The following HIF3A variants were observed in gnomAD, a reference collection of about 807,000 sequenced individuals.
HIF3A encodes the protein hypoxia inducible factor 3 subunit alpha.
A neutral mutation model predicts 67.2 loss-of-function variants in HIF3A; 41 were observed. That is an observed-to-expected ratio of 0.61 (90% CI 0.48 to 0.79). The LOEUF is 0.79. HIF3A is among the 30% of genes least tolerant of loss of function. The probability of loss-of-function intolerance (pLI) is 0.00; values close to 1 mark genes in which losing one functional copy is unlikely to be tolerated. For missense variants in HIF3A, 855 were observed against 898.0 expected, an observed-to-expected ratio of 0.95 and a Z score of 0.61; for synonymous variants, 356 against 374.8, an observed-to-expected ratio of 0.95 and a Z score of 0.58.
rs542186240 is a variant in HIF3A at position 46,324,985 on chromosome 19, T to TTGTGTGTGTGTGTG, written c.1336-533_1336-520dup. On this transcript the variant is annotated intron_variant, in intron 10 of 14. Coordinates refer to ENST00000377670, the MANE Select transcript of HIF3A (RefSeq NM_152795.4). ...ACATACACACACACACACACATATA[T>TTGTGTGTGTGTGTG]TGTGTGTGTGTGTGTGTGTGTGTGT... is the stretch of plus-strand genomic sequence containing the variant. Among the ~76,000 whole-genome samples, 434 of 127,922 alleles carry TTGTGTGTGTGTGTG rather than the reference T, an allele frequency of 3.4e-3. 3 individuals are homozygous for TTGTGTGTGTGTGTG. The highest frequency in any genetic ancestry group is 1.0e-2 in the African/African-American group (338 of 33,852). 83.9% of individuals were successfully genotyped at this position (127,922 alleles called of 152,430 possible).
intron 12 of HIF3A, among the ~76,000 whole-genome samples, chr19:46,330,775 A>AAT (rs1333143878): frequency 1.0e-4 from 12 of 118,928 alleles, no homozygotes; most frequent in African/African-American, 4.1e-4. Context: ...TGGGTGGATC[A>AAT]GTGGATGGAT....
intron 6 of HIF3A, among the ~76,000 whole-genome samples, chr19:46,311,046 C>T (rs577671831): frequency 5.3e-5 from 8 of 152,278 alleles, no homozygotes; most frequent in South Asian, 2.1e-4. Context: ...CCACCGCACC[C>T]GGCCTATCAT....
Position 46,312,586 on chromosome 19 carries a change from G to A in HIF3A, c.958G>A (p.Ala320Thr). 1 of 1,609,532 alleles carries A rather than the reference G, an allele frequency of 6.2e-7. No homozygotes were observed. Among genetic ancestry groups the A allele is most frequent in the African/African-American group, 1.3e-5 (1 of 74,842 alleles). The change falls in exon 8 of 15, where the codon GCC becomes ACC. Residue 320 changes from alanine to threonine, a missense_variant. Transcript: ENST00000377670. Reference sequence around the variant, plus strand: ...TGGCTACCTGTGGACCCAGACCCAGGCCACAGTGGTGTCAGGGGGACGGGG... The same window carrying A: ...TGGCTACCTGTGGACCCAGACCCAGACCACAGTGGTGTCAGGGGGACGGGG... ...SGGYLWTQTQ[A>T]TVVSGGRGPQ...
intron 8 of HIF3A, among the ~76,000 whole-genome samples, chr19:46,318,416 G>A (rs1893644458): frequency 6.6e-6 from 1 of 150,824 alleles, no homozygotes; most frequent in African/African-American, 2.4e-5. Context: ...CCAGCGTGGT[G>A]GCATATGGCT....
At chr19:46,324,985 T>TTGTGTGTG (rs542186240) in intron 10 of HIF3A, among the ~76,000 whole-genome samples, 2,267 of 127,872 alleles carry the variant, frequency 0.018, 48 homozygotes, top group African/African-American at 0.029. Context: ...CACACATATA[T>TTGTGTGTG]TGTGTGTGTG....
chr19:46,312,738 CGT>C (rs1008088222), intron 8 of HIF3A, 85 bp downstream of exon 8: 4 of 462,910 alleles, frequency 8.6e-6, no homozygotes, highest in African/African-American at 8.0e-5. Context: ...TGTGTGTGTG[CGT>C]ATGAGCATGC....
At chr19:46,324,985 T>TTTTG (rs1555785452) in intron 10 of HIF3A, among the ~76,000 whole-genome samples, 1 of 127,916 alleles carries the variant, frequency 7.8e-6, no homozygotes, top group African/African-American at 3.0e-5. Flanking sequence ...CACACATATA[T>TTTTG]TGTGTGTGTG....
intron 10 of HIF3A, among the ~76,000 whole-genome samples, chr19:46,324,971 C>T (rs1310002471): frequency 3.8e-5 from 5 of 132,746 alleles, no homozygotes; most frequent in East Asian, 2.3e-4. Context: ...CATACACACA[C>T]ACACACACAT....
At chr19:46,314,390 A>C (rs961942031) in intron 8 of HIF3A, among the ~76,000 whole-genome samples, 16 of 146,056 alleles carry the variant, frequency 1.1e-4, no homozygotes, top group African/African-American at 3.0e-4. Flanking sequence ...CCAAAAAAAA[A>C]AAACAAACAC....
intron 3 of HIF3A, among the ~76,000 whole-genome samples, chr19:46,307,586 A>C (rs1245015238): frequency 6.6e-6 from 1 of 152,126 alleles, no homozygotes; most frequent in East Asian, 1.9e-4. Context: ...CGTCTCTACT[A>C]AAAATACAAA....
intron 1 of HIF3A, among the ~76,000 whole-genome samples, chr19:46,298,928 C>T (rs2147098673): frequency 6.6e-6 from 1 of 152,270 alleles, no homozygotes; most frequent in South Asian, 2.1e-4. Flanking sequence ...AATAGAAAAG[C>T]CCAGAAGTAG....
chr19:46,310,677 G>C, intron 6 of HIF3A: 1 of 446,046 alleles, frequency 2.2e-6, no homozygotes. Context: ...TTGTACAGTC[G>C]TTCTGAGCAG....
Position 46,339,539 on chromosome 19 carries a change from C to G in HIF3A, c.1927C>G (p.Leu643Val). The change falls in exon 15 of 15, where the codon CTG becomes GTG. Residue 643 changes from leucine (L) to valine (V), a missense_variant. Physicochemically the swap from Leu to Val is conservative, Grantham distance 32. Transcript: ENST00000377670. ...LNEPLGLGPS[L>V]LSPYSDEDTT... ...CATCTTTGCAGGCCTGGGCCCCTCA[C>G]TGCTCTCTCCGTACTCAGACGAGGA... 1 of 1,600,402 alleles carries G rather than the reference C, an allele frequency of 6.2e-7. No homozygotes were observed. Among genetic ancestry groups the G allele is most frequent in the South Asian group, 1.1e-5 (1 of 89,072 alleles).
chr19:46,312,124 A>G (rs1469830896), intron 6 of HIF3A, 37 bp from the exon 7 acceptor site: 1 of 1,482,742 alleles, frequency 6.7e-7, no homozygotes, highest in South Asian at 1.1e-5. Context: ...CTCACCCAGT[A>G]GCATCCTGAC....
At chr19:46,338,613 G>T (rs1971798278) in intron 14 of HIF3A, 1 of 746,852 alleles carries the variant, frequency 1.3e-6, no homozygotes, top group Non-Finnish European at 1.7e-6. Flanking sequence ...ACTAGTTATG[G>T]TTCAAAACAC....
intron 8 of HIF3A, among the ~76,000 whole-genome samples, chr19:46,319,427 A>T (rs1163018245): frequency 1.3e-5 from 2 of 152,000 alleles, no homozygotes; most frequent in African/African-American, 4.8e-5. Flanking sequence ...AGCCCCACCC[A>T]ACTCTCCAAA....
chr19:46,300,062 C>T (rs2147103142), intron 1 of HIF3A, among the ~76,000 whole-genome samples: 2 of 152,268 alleles, frequency 1.3e-5, no homozygotes, highest in Admixed American at 1.3e-4. Context: ...CTGGGGATGC[C>T]ATTGCTCCAA....
At chr19:46,308,587 G>A in intron 4 of HIF3A, 76 bp from the exon 5 acceptor site, 2 of 862,446 alleles carry the variant, frequency 2.3e-6, no homozygotes, top group Non-Finnish European at 3.6e-6. Flanking sequence ...GGAGGCCTGA[G>A]CAGCCAGGGT....
At chr19:46,330,691 A>G (rs1444403082) in intron 12 of HIF3A, among the ~76,000 whole-genome samples, 2 of 149,050 alleles carry the variant, frequency 1.3e-5, no homozygotes, top group Non-Finnish European at 3.0e-5. Context: ...GGATGGATGG[A>G]TGAATCAATG....
Sources: allele counts gnomAD v4.1 joint callset (sites outside exome capture counted in the v4.1 genomes callset), GRCh38; gene constraint gnomAD v4.1.1; transcripts MANE v1.5; gene names NCBI Gene and HGNC (gene_info 2026-07-23, HGNC 2026-07-21).